GHR: variants seen among roughly 807,000 people sequenced by gnomAD.
GHR encodes the protein growth hormone receptor.
Under a neutral mutation model 67.1 loss-of-function variants are expected in GHR, and 35 were observed. The observed-to-expected ratio is 0.52, with a 90% CI of 0.40 to 0.69. The LOEUF (loss-of-function observed/expected upper bound fraction) is 0.69, where lower values mean the gene tolerates loss of function less well. Ranked by LOEUF, GHR falls within the 30% of genes least tolerant of loss-of-function variation. The probability of loss-of-function intolerance (pLI) is 0.00; values close to 1 mark genes in which losing one functional copy is unlikely to be tolerated. For missense variants in GHR, 792 were observed against 764.6 expected, an observed-to-expected ratio of 1.04 and a Z score of -0.42; for synonymous variants, 272 against 269.1, an observed-to-expected ratio of 1.01 and a Z score of -0.10.
intron 1 of GHR, among the ~76,000 whole-genome samples, chr5:42,538,768 GT>G (rs1434363227): frequency 6.6e-6 from 1 of 152,090 alleles, no homozygotes; most frequent in Admixed American, 6.6e-5. Context: ...CCTCAAATAT[GT>G]TTTCCCAAAC....
At chr5:42,531,267 CA>C (rs66526387) in intron 1 of GHR, among the ~76,000 whole-genome samples, 1 of 147,648 alleles carries the variant, frequency 6.8e-6, no homozygotes, top group Admixed American at 6.8e-5. Context: ...AGTCCATCTC[CA>C]AAAAAAAAAC....
At chr5:42,618,609 T>C (rs769785153) in intron 2 of GHR, among the ~76,000 whole-genome samples, 1 of 152,106 alleles carries the variant, frequency 6.6e-6, no homozygotes, top group Non-Finnish European at 1.5e-5. Context: ...GCATAAGACA[T>C]AATTAACTAT....
At chr5:42,484,307 G>A (rs1745786082) in intron 1 of GHR, among the ~76,000 whole-genome samples, 1 of 152,130 alleles carries the variant, frequency 6.6e-6, no homozygotes, top group Non-Finnish European at 1.5e-5. Context: ...CTAAAAATAT[G>A]ATTCATATTT....
chr5:42,468,834 G>A, intron 1 of GHR: 1 of 999,588 alleles, frequency 1.0e-6, no homozygotes, highest in Non-Finnish European at 1.5e-6. Flanking sequence ...TGGTGACCAG[G>A]CAGCTGAAGC....
intron 1 of GHR, among the ~76,000 whole-genome samples, chr5:42,431,949 A>G (rs899500525): frequency 1.3e-5 from 2 of 152,204 alleles, no homozygotes; most frequent in Admixed American, 6.5e-5. Flanking sequence ...ACAGGGATTC[A>G]GCACAGGTGT....
chr5:42,435,005 G>C (rs1743260154), intron 1 of GHR, among the ~76,000 whole-genome samples: 1 of 152,152 alleles, frequency 6.6e-6, no homozygotes, highest in Non-Finnish European at 1.5e-5. Flanking sequence ...CAAAAAAACA[G>C]TTGATTATTC....
At chr5:42,518,146 A>G (rs1747322886) in intron 1 of GHR, among the ~76,000 whole-genome samples, 1 of 148,600 alleles carries the variant, frequency 6.7e-6, no homozygotes, top group Admixed American at 6.7e-5. Flanking sequence ...ATTAATATAT[A>G]TTATTATATA....
At chr5:42,676,516 C>T (rs1427144744) in intron 3 of GHR, among the ~76,000 whole-genome samples, 1 of 152,058 alleles carries the variant, frequency 6.6e-6, no homozygotes, top group African/African-American at 2.4e-5. Context: ...TTAAAGCCTT[C>T]CTGCCAGTAG....
intron 2 of GHR, among the ~76,000 whole-genome samples, chr5:42,572,350 A>G (rs1446163118): frequency 6.6e-6 from 1 of 152,156 alleles, no homozygotes; most frequent in Non-Finnish European, 1.5e-5. Context: ...GCAGCAGGCA[A>G]TGTGGCTCCA....
intron 1 of GHR, among the ~76,000 whole-genome samples, chr5:42,488,909 A>G (rs1471015744): frequency 1.3e-5 from 2 of 152,192 alleles, no homozygotes; most frequent in African/African-American, 4.8e-5. Flanking sequence ...CCCAAGGTTA[A>G]AAAACTAGCC....
chr5:42,529,519 G>T (rs746186126), intron 1 of GHR, among the ~76,000 whole-genome samples: 1 of 152,174 alleles, frequency 6.6e-6, no homozygotes, highest in Non-Finnish European at 1.5e-5. Flanking sequence ...TTGCAGGGTT[G>T]CTTTGACCAT....
chr5:42,578,692 A>G (rs1429970685), intron 2 of GHR, among the ~76,000 whole-genome samples: 1 of 152,190 alleles, frequency 6.6e-6, no homozygotes, highest in Non-Finnish European at 1.5e-5. Flanking sequence ...ATATTCATGT[A>G]GTTTTTAAAT....
At chr5:42,547,824 G>T (rs1194188960) in intron 1 of GHR, among the ~76,000 whole-genome samples, 2 of 146,266 alleles carry the variant, frequency 1.4e-5, no homozygotes, top group Non-Finnish European at 3.0e-5. Flanking sequence ...TGAAATTTTA[G>T]AATTCATTTA....
At chr5:42,592,725 C>T (rs779634367) in intron 2 of GHR, among the ~76,000 whole-genome samples, 1 of 152,036 alleles carries the variant, frequency 6.6e-6, no homozygotes, top group Admixed American at 6.5e-5. Context: ...AGTGAACATA[C>T]GTGTGTGTGT....
chr5:42,468,257 C>T, intron 1 of GHR: 2 of 1,556,460 alleles, frequency 1.3e-6, no homozygotes, highest in East Asian at 2.3e-5. Context: ...TCTTCCTCCT[C>T]CTCCTTTTTC....
chr5:42,608,201 T>C (rs1460781370), intron 2 of GHR, among the ~76,000 whole-genome samples: 2 of 152,250 alleles, frequency 1.3e-5, no homozygotes, highest in Non-Finnish European at 2.9e-5. Context: ...GTGAAAATTC[T>C]TCTTAAACAA....
chr5:42,641,969 A>G (rs1580111125), intron 3 of GHR, among the ~76,000 whole-genome samples: 1 of 152,146 alleles, frequency 6.6e-6, no homozygotes. Flanking sequence ...TGGAAAAACC[A>G]AAAGACTGAG....
At chr5:42,586,011 A>G (rs751305025) in intron 2 of GHR, among the ~76,000 whole-genome samples, 7 of 152,232 alleles carry the variant, frequency 4.6e-5, no homozygotes, top group Admixed American at 6.5e-5. Context: ...TATAGTGTCT[A>G]ACACACAGAA....
At chr5:42,506,221 G>A (rs558456610) in intron 1 of GHR, among the ~76,000 whole-genome samples, 44 of 152,220 alleles carry the variant, frequency 2.9e-4, no homozygotes, top group African/African-American at 4.1e-4. Context: ...GTATTATGTA[G>A]TATTATGTAG....
Sources: gnomAD v4.1 joint callset for allele counts (sites outside exome capture counted in the v4.1 genomes callset) on GRCh38, gnomAD v4.1.1 for gene constraint, MANE v1.5 for transcripts, NCBI Gene and HGNC (gene_info 2026-07-23, HGNC 2026-07-21) for gene names.